Variants in KDM2B observed in about 807,000 individuals in gnomAD.
The protein encoded by KDM2B is lysine-specific demethylase 2B.
In KDM2B, 26 loss-of-function variants were observed where a neutral mutation model predicts 150.0. The observed-to-expected ratio is 0.17, with a 90% CI of 0.13 to 0.24. The LOEUF is 0.24. Among genes scored for constraint, KDM2B ranks in the 10% least tolerant of loss-of-function variants. The pLI, the probability that KDM2B is intolerant of heterozygous loss-of-function variation, is 1.00. For synonymous variants in KDM2B, 734 were observed against 729.5 expected (o/e 1.01, Z -0.10); for missense variants, 1,265 against 1,816.9 (o/e 0.70, Z 5.52).
chr12:121,555,656 G>A (rs1324886984), intron 4 of KDM2B, among the ~76,000 whole-genome samples: 11 of 152,154 alleles, frequency 7.2e-5, no homozygotes, highest in Admixed American at 3.3e-4. Context: ...TTATAGGCGT[G>A]AGCCACCACA....
chr12:121,443,403 T>C (rs1875530930), intron 17 of KDM2B: 2 of 579,334 alleles, frequency 3.5e-6, no homozygotes, highest in Non-Finnish European at 6.1e-6. Context: ...TGGCGCCACC[T>C]TGTGGCTGGT....
In KDM2B at chr12:121,429,335, C is replaced by T. The variant is rs1381304160; in HGVS notation, c.*953G>A. The T allele has an allele frequency of 6.6e-6, 1 of 152,666 alleles. No homozygotes were observed. The highest frequency in any genetic ancestry group is 2.4e-5 in the African/African-American group (1 of 41,440). 9.5% of individuals were successfully genotyped at this position (152,666 alleles called of 1,614,324 possible). On this transcript the variant is annotated 3_prime_UTR_variant, in exon 23 of 23. Coordinates refer to ENST00000377071, the MANE Select transcript of KDM2B (RefSeq NM_032590.5). ...TACAAACCTAAATGAGAACTCAACT[C>T]ACACTTCAGAGGAGAGAAGCAAAAG...
the KDM2B span, among the ~76,000 whole-genome samples, chr12:121,415,475 A>C: frequency 6.6e-6 from 1 of 151,742 alleles, no homozygotes; most frequent in South Asian, 2.1e-4. Flanking sequence ...AAATTAGCCA[A>C]GTGTGTGGCG....
intron 12 of KDM2B, among the ~76,000 whole-genome samples, chr12:121,483,485 C>T (rs557890780): frequency 4.1e-4 from 62 of 152,114 alleles, no homozygotes; most frequent in African/African-American, 1.4e-3. Flanking sequence ...CCAGCCTTGG[C>T]AGCATGGCAA....
At chr12:121,562,014 A>G (rs1193952889) in intron 4 of KDM2B, among the ~76,000 whole-genome samples, 2 of 151,868 alleles carry the variant, frequency 1.3e-5, no homozygotes, top group African/African-American at 4.8e-5. Flanking sequence ...TCTACTAAAA[A>G]TACAAAAATT....
rs376050435 is a variant in KDM2B, at chr12:121,509,889, C to G, written c.1325G>C (p.Gly442Ala). ...GGGCGTGCTGGTGGGTGAAGTGGAG[C>G]CATCGGTGGGCGGTTTGGGTGCCCT... ...RDRAPKPPTD[G>A]STSPTSTPSE... The change falls in exon 11 of 23, where the codon GGC becomes GCC. Residue 442 changes from glycine to alanine, a missense_variant. Coordinates refer to ENST00000377071, the MANE Select transcript of KDM2B (RefSeq NM_032590.5). 1.2e-6 allele frequency: 2 copies of G among 1,613,526 alleles called. No homozygotes were observed. The highest frequency in any genetic ancestry group is 2.2e-5 in the East Asian group (1 of 44,818).
At chr12:121,499,948 C>CAAA (rs111843838) in intron 11 of KDM2B, among the ~76,000 whole-genome samples, 2 of 148,964 alleles carry the variant, frequency 1.3e-5, no homozygotes, top group East Asian at 3.9e-4. Flanking sequence ...GACTCTAACT[C>CAAA]AAAAAAAAAT....
Position 121,537,388 on chromosome 12 carries a change from C to A in KDM2B, c.684-2798G>T, listed in dbSNP as rs1342284328. 2.0e-5 allele frequency: 3 copies of A among 152,778 alleles called. No individual in the cohort carries two copies. Among genetic ancestry groups the A allele is most frequent in the African/African-American group, 7.2e-5 (3 of 41,470 alleles). The allele number at this position is 152,778 out of a possible 1,614,324, so 9.5% of individuals were successfully genotyped here. On this transcript the variant is annotated intron_variant, in intron 6 of 22. Coordinates refer to ENST00000377071, the MANE Select transcript of KDM2B (RefSeq NM_032590.5). The surrounding 1 kb of genome is among the most constrained non-coding windows in gnomAD (Gnocchi z 8.7). ...GGTGCCACGGCCGCTAAGCTCTCCC[C>A]ACGGCCAGCCGGCTAGCCCGGCTTC...
intron 6 of KDM2B, among the ~76,000 whole-genome samples, chr12:121,546,645 T>C (rs28451063): frequency 0.56 from 84,696 of 150,752 alleles, 24,468 homozygotes; most frequent in African/African-American, 0.69. Flanking sequence ...CCTCGTGATC[T>C]GCCCACCTCG....
intron 4 of KDM2B, among the ~76,000 whole-genome samples, chr12:121,561,328 C>A (rs1890324786): frequency 6.6e-6 from 1 of 152,174 alleles, no homozygotes; most frequent in Non-Finnish European, 1.5e-5. Context: ...CCTTCTCCAG[C>A]ATCCTCACAT....
At chr12:121,524,144 T>C (rs28644184) in intron 8 of KDM2B, among the ~76,000 whole-genome samples, 86,413 of 151,986 alleles carry the variant, frequency 0.57, 24,799 homozygotes, top group East Asian at 0.64. Context: ...CCCACAAGCC[T>C]ACCTCCCTCC....
chr12:121,496,249 A>G (rs901654016), intron 11 of KDM2B, among the ~76,000 whole-genome samples: 27 of 152,094 alleles, frequency 1.8e-4, no homozygotes, highest in Non-Finnish European at 8.8e-5. Context: ...CCACAAAAAA[A>G]TGTGTTTAAG....
intron 12 of KDM2B, among the ~76,000 whole-genome samples, chr12:121,491,141 C>T (rs138712009): frequency 6.6e-5 from 10 of 152,288 alleles, no homozygotes; most frequent in South Asian, 2.1e-4. Context: ...CCACTCTCCC[C>T]GCCACATATC....
intron 13 of KDM2B, among the ~76,000 whole-genome samples, chr12:121,449,037 A>C (rs1402222711): frequency 2.0e-5 from 3 of 152,156 alleles, no homozygotes; most frequent in East Asian, 3.9e-4. Context: ...TGGGGACCAG[A>C]CTGCAGCGGG....
rs1443890686 is a variant in KDM2B at position 121,442,675 on chromosome 12, T to C, written c.2766A>G (p.Glu922=). The part of the protein sequence containing the change: ...SSSPTAGPST[E]GAEGPEEKKK... ...TCTTCTCCTCCGGGCCCTCGGCCCC[T>C]TCGGTGCTGGGTCCCGCGGTGGGGG... The change falls in exon 19 of 23, where the codon GAA becomes GAG. Residue 922 remains glutamate (E), a synonymous_variant. Coordinates refer to ENST00000377071, the MANE Select transcript of KDM2B (RefSeq NM_032590.5). The surrounding 1 kb of genome is among the most constrained non-coding windows in gnomAD (Gnocchi z 7.7). 1.2e-6 allele frequency: 2 copies of C among 1,605,520 alleles called. No individual in the cohort carries two copies. Among genetic ancestry groups the C allele is most frequent in the East Asian group, 4.5e-5 (2 of 44,680 alleles).
At chr12:121,437,742 C>T (rs1555287137) in intron 22 of KDM2B, among the ~76,000 whole-genome samples, 1 of 152,156 alleles carries the variant, frequency 6.6e-6, no homozygotes, top group Non-Finnish European at 1.5e-5. Flanking sequence ...GTCACGAGAC[C>T]AGATCCTCCA....
intron 22 of KDM2B, among the ~76,000 whole-genome samples, chr12:121,431,340 G>A (rs1165789441): frequency 1.4e-5 from 2 of 139,286 alleles, no homozygotes; most frequent in African/African-American, 2.8e-5. Flanking sequence ...GTAGAAACTG[G>A]GTTCCACCAT....
At position 121,452,117 on chromosome 12, in the gene KDM2B, T is replaced by C. The variant is rs1411113926; in HGVS notation, c.1959+1003A>G. On this transcript the variant is annotated intron_variant, in intron 13 of 22. Transcript: ENST00000377071. The surrounding 1 kb of genome is among the most constrained non-coding windows in gnomAD (Gnocchi z 4.4). ...CGAGAGGAGTCAAGCTCTTAGAAAC[T>C]GAAAGTGGAATGGTGGTTGCCCGGG... Among the ~76,000 whole-genome samples the C allele has an allele frequency of 2.0e-5, 3 of 151,976 alleles. No individual in the cohort carries two copies. In the East Asian group the frequency reaches 5.8e-4, roughly 29 times the overall value.
intron 4 of KDM2B, among the ~76,000 whole-genome samples, chr12:121,568,539 T>C (rs1008633814): frequency 4.6e-5 from 7 of 151,576 alleles, no homozygotes; most frequent in African/African-American, 1.5e-4. Flanking sequence ...CAACAAACAA[T>C]ATGGACGAAT....
Sources: gnomAD v4.1 joint callset for allele counts (sites outside exome capture counted in the v4.1 genomes callset) on GRCh38, gnomAD v4.1.1 for gene constraint, Gnocchi (gnomAD v3.1) non-coding constraint, MANE v1.5 for transcripts, NCBI Gene and HGNC (gene_info 2026-07-23, HGNC 2026-07-21) for gene names.